The following PRKG1 variants were observed in gnomAD, a reference collection of about 807,000 sequenced individuals.
PRKG1 encodes protein kinase cGMP-dependent 1, also known as cGMP-dependent protein kinase 1.
A neutral mutation model predicts 88.1 loss-of-function variants in PRKG1; 35 were observed. That is an observed-to-expected ratio of 0.40 (90% CI 0.30 to 0.53). The LOEUF (loss-of-function observed/expected upper bound fraction) is 0.53, where lower values mean the gene tolerates loss of function less well. Ranked by LOEUF, PRKG1 falls within the 20% of genes least tolerant of loss-of-function variation. The pLI is 0.59. For missense variants in PRKG1, 540 were observed against 839.8 expected (o/e 0.64, Z 4.41); for synonymous variants, 303 against 292.5 (o/e 1.04, Z -0.37).
intron 3 of PRKG1, among the ~76,000 whole-genome samples, chr10:51,620,878 T>G (rs1839187333): frequency 6.6e-6 from 1 of 151,798 alleles, no homozygotes; most frequent in South Asian, 2.1e-4. Flanking sequence ...TTTAGGGAAA[T>G]GACCCAGATG....
chr10:52,261,409 T>A (rs1047416404), intron 10 of PRKG1, among the ~76,000 whole-genome samples: 1 of 152,020 alleles, frequency 6.6e-6, no homozygotes, highest in Non-Finnish European at 1.5e-5. Context: ...AAGGCATATA[T>A]ATATAATAAG....
chr10:52,065,024 G>A (rs1470203535), intron 7 of PRKG1, among the ~76,000 whole-genome samples: 1 of 152,182 alleles, frequency 6.6e-6, no homozygotes, highest in African/African-American at 2.4e-5. Flanking sequence ...TAGTAGAGGT[G>A]TACTTCTGTG....
chr10:51,996,504 A>AT (rs1844447155), intron 5 of PRKG1, among the ~76,000 whole-genome samples: 1 of 152,042 alleles, frequency 6.6e-6, no homozygotes, highest in African/African-American at 2.4e-5. Flanking sequence ...AAGACCTAAA[A>AT]TTAGCCAAAA....
chr10:51,328,311 T>G (rs1206808820), intron 2 of PRKG1, among the ~76,000 whole-genome samples: 4 of 152,218 alleles, frequency 2.6e-5, no homozygotes, highest in African/African-American at 9.6e-5. Context: ...CAAGATTTCC[T>G]TCTTTTTAGA....
At chr10:51,256,602 T>C (rs1365092373) in intron 2 of PRKG1, among the ~76,000 whole-genome samples, 1 of 152,128 alleles carries the variant, frequency 6.6e-6, no homozygotes, top group Non-Finnish European at 1.5e-5. Context: ...GGAGACTACT[T>C]CATAGAGAAA....
chr10:51,830,560 G>GTTTTTTT (rs531412645), intron 4 of PRKG1, among the ~76,000 whole-genome samples: 25 of 83,636 alleles, frequency 3.0e-4, no homozygotes, highest in Non-Finnish European at 4.5e-4. Flanking sequence ...TTTTTTTTTT[G>GTTTTTTT]TTTTTTTTTT....
chr10:51,190,797 T>G (rs1476543844), intron 2 of PRKG1, among the ~76,000 whole-genome samples: 2 of 151,928 alleles, frequency 1.3e-5, no homozygotes, highest in Non-Finnish European at 2.9e-5. Context: ...ATTTAAATGT[T>G]TTGAACCTCC....
chr10:51,884,960 G>A (rs1440727915), intron 4 of PRKG1, among the ~76,000 whole-genome samples: 1 of 152,080 alleles, frequency 6.6e-6, no homozygotes, highest in Non-Finnish European at 1.5e-5. Context: ...CATCCATTGA[G>A]GTTTTGAGAG....
intron 1 of PRKG1, among the ~76,000 whole-genome samples, chr10:51,043,024 G>C (rs1843444549): frequency 6.6e-6 from 1 of 152,150 alleles, no homozygotes; most frequent in Non-Finnish European, 1.5e-5. Context: ...ATAAATGTCT[G>C]TTGTTTATAA....
At chr10:51,331,935 T>A (rs1043267741) in intron 2 of PRKG1, among the ~76,000 whole-genome samples, 1 of 152,224 alleles carries the variant, frequency 6.6e-6, no homozygotes, top group African/African-American at 2.4e-5. Context: ...TTATCATTAA[T>A]TGTGATTATA....
intron 3 of PRKG1, among the ~76,000 whole-genome samples, chr10:51,599,606 T>A (rs1838545087): frequency 6.6e-6 from 1 of 152,178 alleles, no homozygotes. Context: ...TTTAGAAGGA[T>A]TCTCTGAGAA....
At chr10:51,235,776 T>C (rs1462060305) in intron 2 of PRKG1, among the ~76,000 whole-genome samples, 1 of 152,104 alleles carries the variant, frequency 6.6e-6, no homozygotes, top group Non-Finnish European at 1.5e-5. Context: ...GGTTAAATTA[T>C]ATACACATAC....
At chr10:51,246,312 A>G (rs1324241499) in intron 2 of PRKG1, among the ~76,000 whole-genome samples, 1 of 152,126 alleles carries the variant, frequency 6.6e-6, no homozygotes, top group East Asian at 1.9e-4. Context: ...AGCTGAAAAG[A>G]AATGGGAGCA....
chr10:51,564,882 T>C (rs1837559904), intron 3 of PRKG1, among the ~76,000 whole-genome samples: 1 of 152,128 alleles, frequency 6.6e-6, no homozygotes, highest in South Asian at 2.1e-4. Flanking sequence ...GCTGTGAAAT[T>C]GGACTCTTTT....
At chr10:51,220,736 G>A (rs899858109) in intron 2 of PRKG1, among the ~76,000 whole-genome samples, 3 of 152,030 alleles carry the variant, frequency 2.0e-5, no homozygotes, top group Non-Finnish European at 2.9e-5. Flanking sequence ...TGTATGTATA[G>A]GGAAGTTTAT....
intron 3 of PRKG1, among the ~76,000 whole-genome samples, chr10:51,555,183 G>C (rs560740920): frequency 2.2e-4 from 33 of 151,932 alleles, no homozygotes; most frequent in African/African-American, 7.7e-4. Flanking sequence ...CCAGTTCCAA[G>C]TGCTGAGTAG....
chr10:51,534,705 C>T (rs1262955886), intron 3 of PRKG1, among the ~76,000 whole-genome samples: 1 of 150,792 alleles, frequency 6.6e-6, no homozygotes, highest in East Asian at 1.9e-4. Context: ...GGCAGTTCTG[C>T]CCAGATCATG....
chr10:51,074,985 C>T, intron 1 of PRKG1, 84 bp downstream of exon 1: 1 of 1,451,876 alleles, frequency 6.9e-7, no homozygotes, highest in Non-Finnish European at 9.2e-7. Flanking sequence ...CGGCCCCCGC[C>T]CCTCCCGCTT....
intron 1 of PRKG1, among the ~76,000 whole-genome samples, chr10:51,022,095 G>C (rs1054709393): frequency 1.3e-5 from 2 of 152,140 alleles, no homozygotes; most frequent in African/African-American, 4.8e-5. Context: ...TCCTGTTGGG[G>C]CATTCAATTC....
Sources: allele counts gnomAD v4.1 joint callset (sites outside exome capture counted in the v4.1 genomes callset), GRCh38; gene constraint gnomAD v4.1.1; transcripts MANE v1.5; gene names NCBI Gene and HGNC (gene_info 2026-07-23, HGNC 2026-07-21).